The following PDZRN3 variants were observed in gnomAD, a reference collection of about 807,000 sequenced individuals.
PDZRN3 encodes the protein E3 ubiquitin-protein ligase PDZRN3.
In PDZRN3, 38 loss-of-function variants were observed where a neutral mutation model predicts 85.7. The ratio of observed to expected loss-of-function variants is 0.44; its 90% CI spans 0.34 to 0.58. The LOEUF (loss-of-function observed/expected upper bound fraction) is 0.58, where lower values mean the gene tolerates loss of function less well. PDZRN3 is among the 20% of genes least tolerant of loss of function. PDZRN3 has a pLI of 0.01. For synonymous variants in PDZRN3, 759 were observed against 638.0 expected, an observed-to-expected ratio of 1.19 and a Z score of -2.86; for missense variants, 1,629 against 1,506.4, an observed-to-expected ratio of 1.08 and a Z score of -1.35.
chr3:73,478,906 C>T (rs1417587166), intron 3 of PDZRN3, among the ~76,000 whole-genome samples: 3 of 152,128 alleles, frequency 2.0e-5, no homozygotes, highest in Non-Finnish European at 4.4e-5. Flanking sequence ...ACATTTTGGC[C>T]AAGTCTTACA....
chr3:73,536,191 T>C (rs1019348722), intron 3 of PDZRN3, among the ~76,000 whole-genome samples: 1 of 152,248 alleles, frequency 6.6e-6, no homozygotes, highest in East Asian at 1.9e-4. Flanking sequence ...CTATCTTTAA[T>C]GACTCCAAGG....
chr3:73,448,199 C>G (rs1336886888), intron 3 of PDZRN3, among the ~76,000 whole-genome samples: 3 of 152,208 alleles, frequency 2.0e-5, no homozygotes, highest in African/African-American at 7.2e-5. Context: ...CCCAGCTCAG[C>G]TTCTTTAGCA....
chr3:73,489,575 C>CTTTTTTTTTTTTTTTTTTTTTTTTTTTTT (rs371602592), intron 3 of PDZRN3, among the ~76,000 whole-genome samples: 1 of 80,110 alleles, frequency 1.2e-5, no homozygotes, highest in African/African-American at 4.8e-5. Context: ...AGTTTCTTTT[C>CTTTTTTTTTTTTTTTTTTTTTTTTTTTTT]TTTTTTTTTT....
chr3:73,448,999 G>C (rs561761442), intron 3 of PDZRN3, among the ~76,000 whole-genome samples: 7 of 152,142 alleles, frequency 4.6e-5, no homozygotes, highest in Non-Finnish European at 8.8e-5. Flanking sequence ...GATTTTCATG[G>C]GACTTTGAAC....
At chr3:73,400,495 AC>A (rs1396744669) in intron 5 of PDZRN3, among the ~76,000 whole-genome samples, 1 of 152,176 alleles carries the variant, frequency 6.6e-6, no homozygotes. Context: ...CAGTGAACAA[AC>A]CCTTTTGTTA....
rs537151468 is a variant in PDZRN3, at chr3:73,388,668, C to T, written c.1417-599G>A. 1.2e-3 allele frequency among the ~76,000 whole-genome samples: 185 copies of T among 152,038 alleles called. 1 individual carries two copies. The South Asian group carries it at 0.018, about 15-fold the overall frequency. On this transcript the variant is annotated intron_variant, in intron 7 of 9. Coordinates refer to ENST00000263666, the MANE Select transcript of PDZRN3 (RefSeq NM_015009.3). The stretch of plus-strand genomic sequence containing the variant: ...TCTGGAGGTCTTAGTCCTGGTGGAA[C>T]GCCGCCTCCAGGGGACACAGCAATG...
chr3:73,473,187 CTG>C (rs1380198005), intron 3 of PDZRN3, among the ~76,000 whole-genome samples: 1 of 152,100 alleles, frequency 6.6e-6, no homozygotes, highest in Non-Finnish European at 1.5e-5. Flanking sequence ...GTCTTTTTTC[CTG>C]TGTTTCATCT....
chr3:73,590,514 T>TG (rs2106879217), intron 3 of PDZRN3, among the ~76,000 whole-genome samples: 1 of 152,298 alleles, frequency 6.6e-6, no homozygotes, highest in African/African-American at 2.4e-5. Context: ...GATGCTAACT[T>TG]GGGCATTTGA....
At chr3:73,393,680 A>G (rs767000364) in intron 5 of PDZRN3, among the ~76,000 whole-genome samples, 13 of 152,078 alleles carry the variant, frequency 8.5e-5, no homozygotes, top group African/African-American at 2.9e-4. Flanking sequence ...TCTAGATTTG[A>G]GTGTTCCATT....
rs575958294 is a variant in PDZRN3 at position 73,383,731 on chromosome 3, C to A, written c.2835G>T (p.Glu945Asp). The A allele has an allele frequency of 6.2e-7, 1 of 1,612,016 alleles. No homozygotes were observed. The highest frequency in any genetic ancestry group is 2.2e-5 in the East Asian group (1 of 44,866). ...GCTCTTCCCGGATCTTCAGGGCGCG[C>A]TCCCGCAGCAGGCGGTCCCGCACGG... ...KRPVRDRLLRERALKIREERS... is the reference protein window; with the variant it reads ...KRPVRDRLLRDRALKIREERS... The change falls in exon 10 of 10, where the codon GAG becomes GAT. Residue 945 changes from glutamate to aspartate, a missense_variant. Transcript: ENST00000263666.
chr3:73,449,658 C>G (rs1159694644), intron 3 of PDZRN3, among the ~76,000 whole-genome samples: 2 of 152,158 alleles, frequency 1.3e-5, no homozygotes, highest in Non-Finnish European at 2.9e-5. Flanking sequence ...GTAATATAAT[C>G]AAGCTTTTAA....
At chr3:73,483,799 G>A (rs1036066249) in intron 3 of PDZRN3, among the ~76,000 whole-genome samples, 6 of 152,220 alleles carry the variant, frequency 3.9e-5, no homozygotes, top group Admixed American at 3.3e-4. Context: ...CAGTCTGGCT[G>A]ACGTTTGGGT....
intron 3 of PDZRN3, among the ~76,000 whole-genome samples, chr3:73,562,523 C>T (rs1701841850): frequency 6.6e-6 from 1 of 152,176 alleles, no homozygotes; most frequent in Non-Finnish European, 1.5e-5. Flanking sequence ...TAAGACGTCA[C>T]TTTGCTTTTG....
At chr3:73,515,332 T>C (rs1243547467) in intron 3 of PDZRN3, among the ~76,000 whole-genome samples, 1 of 152,126 alleles carries the variant, frequency 6.6e-6, no homozygotes, top group African/African-American at 2.4e-5. Flanking sequence ...CCCGCTACCA[T>C]GCCCAGCTAA....
At chr3:73,558,377 G>A (rs1446579747) in intron 3 of PDZRN3, among the ~76,000 whole-genome samples, 2 of 152,140 alleles carry the variant, frequency 1.3e-5, no homozygotes, top group Non-Finnish European at 2.9e-5. Flanking sequence ...CAAAAATATT[G>A]TTTGAAAAAC....
intron 1 of PDZRN3, among the ~76,000 whole-genome samples, chr3:73,612,684 G>A (rs1702701601): frequency 6.6e-6 from 1 of 152,190 alleles, no homozygotes; most frequent in Non-Finnish European, 1.5e-5. Context: ...ATTGTCCCTT[G>A]AGAGAGATTC....
intron 3 of PDZRN3, among the ~76,000 whole-genome samples, chr3:73,576,735 T>A (rs1211295724): frequency 6.6e-6 from 1 of 152,218 alleles, no homozygotes; most frequent in East Asian, 1.9e-4. Flanking sequence ...TAGACATGAA[T>A]ATCTACCCTG....
intron 3 of PDZRN3, among the ~76,000 whole-genome samples, chr3:73,525,943 C>A (rs1010398761): frequency 2.0e-5 from 3 of 152,194 alleles, no homozygotes; most frequent in Non-Finnish European, 2.9e-5. Flanking sequence ...TTCCTGAGGG[C>A]AGGGACCCTC....
rs146062982 is a variant in PDZRN3 at position 73,562,202 on chromosome 3, C to T, written c.918+40152G>A. 3.7e-4 allele frequency among the ~76,000 whole-genome samples: 57 copies of T among 152,224 alleles called. No individual in the cohort carries two copies. The East Asian group carries it at 0.01, about 28-fold the overall frequency. ...CTCTCTCTATTGCACACAGTGGGAG[C>T]TAAATAACCCTTAACACATTAATGT... On this transcript the variant is annotated intron_variant, in intron 3 of 9. Coordinates refer to ENST00000263666, the MANE Select transcript of PDZRN3 (RefSeq NM_015009.3).
Sources: allele counts gnomAD v4.1 joint callset (sites outside exome capture counted in the v4.1 genomes callset), GRCh38; gene constraint gnomAD v4.1.1; transcripts MANE v1.5; gene names NCBI Gene and HGNC (gene_info 2026-07-23, HGNC 2026-07-21).